Variants in SRD5A3 observed in about 807,000 individuals in gnomAD.
The protein encoded by SRD5A3 is steroid 5 alpha-reductase 3, also known as polyprenal reductase.
Under a neutral mutation model 34.3 loss-of-function variants are expected in SRD5A3, and 24 were observed. The observed-to-expected ratio is 0.70, with a 90% CI of 0.51 to 0.99. The LOEUF is 0.99. SRD5A3 is among the 50% of genes least tolerant of loss of function. SRD5A3 has a pLI of 0.00. For synonymous variants in SRD5A3, 161 were observed against 167.3 expected (o/e 0.96, Z 0.29); for missense variants, 350 against 388.2 (o/e 0.90, Z 0.83).
intron 2 of SRD5A3, among the ~76,000 whole-genome samples, chr4:55,362,089 G>A (rs144288306): frequency 5.5e-4 from 83 of 151,718 alleles, no homozygotes; most frequent in African/African-American, 1.9e-3. Flanking sequence ...TGGGGGAGGG[G>A]TCGTGCCTAC....
chr4:55,362,128 CTTCT>C (rs1412774487), intron 2 of SRD5A3, among the ~76,000 whole-genome samples: 1 of 149,924 alleles, frequency 6.7e-6, no homozygotes, highest in East Asian at 1.9e-4. Flanking sequence ...TGTTCTGTTT[CTTCT>C]TTTTTTTTTT....
chr4:55,358,371 AAGTTTAAG>A (rs1384570644), intron 1 of SRD5A3, among the ~76,000 whole-genome samples: 1 of 151,910 alleles, frequency 6.6e-6, no homozygotes, highest in Non-Finnish European at 1.5e-5. Flanking sequence ...TCTCTATAAA[AAGTTTAAG>A]AATTAGCCAG....
At chr4:55,355,244 G>A (rs1354446712) in intron 1 of SRD5A3, among the ~76,000 whole-genome samples, 2 of 152,126 alleles carry the variant, frequency 1.3e-5, no homozygotes, top group African/African-American at 4.8e-5. Context: ...GGATCATGAG[G>A]TTAGGAGATC....
intron 2 of SRD5A3, among the ~76,000 whole-genome samples, chr4:55,361,497 AAAAAAG>A (rs1719684457): frequency 1.3e-5 from 2 of 151,596 alleles, no homozygotes; most frequent in South Asian, 4.2e-4. Flanking sequence ...AAAAAAAAAA[AAAAAAG>A]AGCAAACCCT....
At chr4:55,360,900 G>C (rs933499684) in intron 2 of SRD5A3, among the ~76,000 whole-genome samples, 1 of 152,020 alleles carries the variant, frequency 6.6e-6, no homozygotes, top group Non-Finnish European at 1.5e-5. Context: ...ATGTTGGTCA[G>C]GCTGGTCTCG....
In SRD5A3 at chr4:55,367,733, T is replaced by C. The variant is rs767149007; in HGVS notation, c.697+11T>C. 6.2e-7 allele frequency: 1 copy of C among 1,614,056 alleles called. No homozygotes were observed. The highest frequency in any genetic ancestry group is 8.5e-7 in the Non-Finnish European group (1 of 1,179,992). On this transcript the variant is annotated intron_variant, in intron 4 of 4. Coordinates refer to ENST00000264228, the MANE Select transcript of SRD5A3 (RefSeq NM_024592.5). ...GGAAAAATAAAGCAGGTGAGACCTC[T>C]TTTAGAGCCTCTGCATATGGATTTT...
chr4:55,362,232 A>T (rs575194976), intron 2 of SRD5A3, among the ~76,000 whole-genome samples: 3 of 149,776 alleles, frequency 2.0e-5, no homozygotes, highest in Admixed American at 6.6e-5. Flanking sequence ...GGTTCAAGCG[A>T]TTCTCCTGCC....
At chr4:55,359,712 G>A (rs1181849375) in intron 2 of SRD5A3, among the ~76,000 whole-genome samples, 6 of 152,148 alleles carry the variant, frequency 3.9e-5, no homozygotes, top group African/African-American at 1.2e-4. Flanking sequence ...AAGAGTTAGC[G>A]CTCCTGACTT....
intron 2 of SRD5A3, among the ~76,000 whole-genome samples, chr4:55,361,957 G>A (rs1719702138): frequency 6.6e-6 from 1 of 152,100 alleles, no homozygotes; most frequent in African/African-American, 2.4e-5. Context: ...GAGGATATGA[G>A]GAATTCTATT....
chr4:55,356,989 C>A (rs1489372666), intron 1 of SRD5A3, among the ~76,000 whole-genome samples: 1 of 152,176 alleles, frequency 6.6e-6, no homozygotes, highest in African/African-American at 2.4e-5. Context: ...TCCTTGAACA[C>A]CCCTAGTATA....
chr4:55,369,663 T>G, intron 4 of SRD5A3, 169 bp from the exon 5 acceptor site: 4 of 723,520 alleles, frequency 5.5e-6, no homozygotes, highest in South Asian at 1.9e-5. Flanking sequence ...CCTGGAAGGT[T>G]GAGACTACAG....
At chr4:55,351,456 C>T (rs1037191207) in intron 1 of SRD5A3, among the ~76,000 whole-genome samples, 6 of 151,924 alleles carry the variant, frequency 3.9e-5, no homozygotes, top group Admixed American at 3.3e-4. Flanking sequence ...CTCACACCTG[C>T]AATCCCAGCA....
chr4:55,367,458 T>C (rs1719944252), intron 3 of SRD5A3, 130 bp from the exon 4 acceptor site: 1 of 1,097,344 alleles, frequency 9.1e-7, no homozygotes, highest in Non-Finnish European at 1.3e-6. Flanking sequence ...TCTTTGTACT[T>C]GGGAAATTAT....
chr4:55,352,784 C>T (rs1719246360), intron 1 of SRD5A3, among the ~76,000 whole-genome samples: 1 of 152,214 alleles, frequency 6.6e-6, no homozygotes, highest in Non-Finnish European at 1.5e-5. Context: ...TAGAGCTTAT[C>T]TTCTAGGAAG....
chr4:55,350,805 C>T (rs575137943), intron 1 of SRD5A3, among the ~76,000 whole-genome samples: 3 of 145,706 alleles, frequency 2.1e-5, no homozygotes, highest in East Asian at 4.0e-4. Context: ...CTCTGTCACC[C>T]AGGCTGGAAT....
chr4:55,347,613 GA>G (rs1719042169), intron 1 of SRD5A3, among the ~76,000 whole-genome samples: 1 of 152,134 alleles, frequency 6.6e-6, no homozygotes, highest in South Asian at 2.1e-4. Context: ...GGGCAACAGA[GA>G]AATACCTTGT....
chr4:55,357,798 C>G (rs554121204), intron 1 of SRD5A3, among the ~76,000 whole-genome samples: 1 of 152,320 alleles, frequency 6.6e-6, no homozygotes, highest in East Asian at 1.9e-4. Flanking sequence ...CCTCAAACTC[C>G]TGGCCTCAAG....
At chr4:55,354,900 G>A (rs1719387749) in intron 1 of SRD5A3, among the ~76,000 whole-genome samples, 1 of 152,254 alleles carries the variant, frequency 6.6e-6, no homozygotes. Context: ...TATCCCCAGA[G>A]CCTGGAGCAG....
At chr4:55,352,680 G>T (rs1346172638) in intron 1 of SRD5A3, among the ~76,000 whole-genome samples, 2 of 152,236 alleles carry the variant, frequency 1.3e-5, no homozygotes, top group Admixed American at 6.5e-5. Context: ...TACTCTGAGA[G>T]TAACTTTGGA....
Sources: allele counts gnomAD v4.1 joint callset (sites outside exome capture counted in the v4.1 genomes callset), GRCh38; gene constraint gnomAD v4.1.1; transcripts MANE v1.5; gene names NCBI Gene and HGNC (gene_info 2026-07-23, HGNC 2026-07-21).